NICN1: variants seen among roughly 807,000 people sequenced by gnomAD.
NICN1 encodes nicolin 1, tubulin polyglutamylase complex subunit.
A neutral mutation model predicts 26.3 loss-of-function variants in NICN1; 18 were observed. The observed-to-expected ratio is 0.68, with a 90% confidence interval of 0.47 to 1.01. NICN1 has a LOEUF of 1.01. Among genes scored for constraint, NICN1 ranks in the 50% least tolerant of loss-of-function variants. The pLI is 0.00. For missense variants in NICN1, 239 were observed against 278.3 expected (o/e 0.86, Z 1.00); for synonymous variants, 109 against 111.0 (o/e 0.98, Z 0.11).
chr3:49,426,545 T>C, intron 1 of NICN1, 117 bp from the exon 2 acceptor site: 1 of 753,706 alleles, frequency 1.3e-6, no homozygotes, highest in South Asian at 1.9e-5. Flanking sequence ...TTTTTTTTTT[T>C]GAGAGGAAAT....
Position 49,429,179 on chromosome 3 carries a change from C to A in NICN1, c.61G>T (p.Val21Leu). The change falls in exon 1 of 6, where the codon GTG becomes TTG. Residue 21 changes from valine (V) to leucine (L), a missense_variant. Transcript: ENST00000273598. Reference protein sequence around the residue: ...KGSVALQVGDVRTSQGRPGVL... With the variant: ...KGSVALQVGDLRTSQGRPGVL... ...CCAGGCCGGCCTTGGGAGGTCCGCA[C>A]GTCGCCCACCTGGAGGGCTACGGAG... is the stretch of plus-strand genomic sequence containing the variant. 6.2e-7 allele frequency: 1 copy of A among 1,611,426 alleles called. No homozygotes were observed. Among genetic ancestry groups the A allele is most frequent in the Non-Finnish European group, 8.5e-7 (1 of 1,178,950 alleles).
At chr3:49,425,202 T>C (rs1265382805) in intron 4 of NICN1, 149 bp from the exon 5 acceptor site, 4 of 816,686 alleles carry the variant, frequency 4.9e-6, no homozygotes, top group Non-Finnish European at 8.2e-6. Flanking sequence ...GGGCCTGATG[T>C]AGCCCCACAA....
chr3:49,426,214 C>T (rs767433131), intron 2 of NICN1, 38 bp downstream of exon 2: 3 of 1,603,538 alleles, frequency 1.9e-6, no homozygotes, highest in South Asian at 1.1e-5. Context: ...GGTAAGTCCT[C>T]ATCTGGGCTG....
chr3:49,427,981 T>C (rs1042910104), intron 1 of NICN1, among the ~76,000 whole-genome samples: 1 of 152,042 alleles, frequency 6.6e-6, no homozygotes, highest in Non-Finnish European at 1.5e-5. Context: ...GCACGGTGGC[T>C]CATGCCGTGG....
Position 49,425,068 on chromosome 3 carries a change from G to A in NICN1, c.496-15C>T. Reference sequence around the variant, plus strand: ...TCTGGGAGACCCTGCTCCAGAAGGAGGGGTCAGTGGCCATGGGTCTCTCCC... The same window carrying A: ...TCTGGGAGACCCTGCTCCAGAAGGAAGGGTCAGTGGCCATGGGTCTCTCCC... On this transcript the variant is annotated splice_polypyrimidine_tract_variant and intron_variant, in intron 4 of 5. Coordinates refer to ENST00000273598, the MANE Select transcript of NICN1 (RefSeq NM_032316.3). 1 of 1,603,970 alleles carries A rather than the reference G, an allele frequency of 6.2e-7. No individual in the cohort carries two copies.
intron 1 of NICN1, 80 bp from the exon 2 acceptor site, chr3:49,426,508 T>A: frequency 1.3e-5 from 13 of 975,464 alleles, no homozygotes; most frequent in Non-Finnish European, 2.0e-5. Flanking sequence ...AGGTGCCACC[T>A]CTTCCTTCTC....
chr3:49,429,205 C>T lies in NICN1; in HGVS notation c.35G>A (p.Gly12Asp), dbSNP rs748076037. The T allele has an allele frequency of 6.2e-7, 1 of 1,609,916 alleles. No individual in the cohort carries two copies. The highest frequency in any genetic ancestry group is 1.1e-5 in the South Asian group (1 of 90,778). The change falls in exon 1 of 6, where the codon GGC becomes GAC. Residue 12 changes from glycine to aspartate, a missense_variant. Physicochemically the swap from Gly to Asp is moderately conservative, Grantham distance 94. Coordinates refer to ENST00000273598, the MANE Select transcript of NICN1 (RefSeq NM_032316.3). ...GTCGCCCACCTGGAGGGCTACGGAG[C>T]CTTTCACATGGCAAGGCACCAAAAC... is the stretch of plus-strand genomic sequence containing the variant. ...SRVLVPCHVK[G>D]SVALQVGDVR...
In NICN1 at chr3:49,423,853, T is replaced by TG. The variant is rs1553639129; in HGVS notation, c.*979_*980insC. On this transcript the variant is annotated 3_prime_UTR_variant, in exon 6 of 6. Transcript: ENST00000273598. Reference sequence around the variant, plus strand: ...GGCAGAAGGGTCCCAGTTCTTTTTTTTTTGTTTGTTTGTTTAAGATGGAGT... The same window carrying TG: ...GGCAGAAGGGTCCCAGTTCTTTTTTTGTTTGTTTGTTTGTTTAAGATGGAGT... The TG allele has an allele frequency of 5.3e-5, 8 of 152,026 alleles. No individual in the cohort carries two copies. Among genetic ancestry groups the TG allele is most frequent in the African/African-American group, 1.7e-4 (7 of 41,378 alleles). 9.4% of individuals were successfully genotyped at this position (152,026 alleles called of 1,614,324 possible).
intron 3 of NICN1, 47 bp from the exon 4 acceptor site, chr3:49,425,485 T>C: frequency 6.7e-7 from 1 of 1,497,090 alleles, no homozygotes; most frequent in Non-Finnish European, 9.1e-7. Flanking sequence ...AGTGGACAGC[T>C]CTGGGACCAG....
chr3:49,424,558 C>G lies in NICN1; in HGVS notation c.*275G>C, dbSNP rs2049155126. On this transcript the variant is annotated 3_prime_UTR_variant, in exon 6 of 6. Transcript: ENST00000273598. ...GTTGCCAGAAGGGGCAGAGGGCACT[C>G]AGGGATTCTCAGTAAGTACAACTGA... 1.7e-6 allele frequency: 1 copy of G among 579,212 alleles called. No homozygotes were observed. The highest frequency in any genetic ancestry group is 3.1e-6 in the Non-Finnish European group (1 of 324,660). 35.9% of individuals were successfully genotyped at this position (579,212 alleles called of 1,614,324 possible).
Position 49,424,674 on chromosome 3 carries a change from G to T in NICN1, c.*159C>A. On this transcript the variant is annotated 3_prime_UTR_variant, in exon 6 of 6. Transcript: ENST00000273598. ...CCAGGAGCTCATGCTGAAGTAACAC[G>T]GTAAGCCCCTGAGAATCCTGAATCT... 1 of 681,922 alleles carries T rather than the reference G, an allele frequency of 1.5e-6. No individual in the cohort carries two copies. 42.2% of individuals were successfully genotyped at this position (681,922 alleles called of 1,614,324 possible). A position where few individuals can be genotyped will look rare whatever the true frequency, so the allele number is the denominator to read the frequency against.
rs141772476 is a variant in NICN1 at position 49,429,132 on chromosome 3, G to A, written c.108C>T (p.Thr36=). The change falls in exon 1 of 6, where the codon ACC becomes ACT. Residue 36 remains threonine, a synonymous_variant. Coordinates refer to ENST00000273598, the MANE Select transcript of NICN1 (RefSeq NM_032316.3). ...GRPGVLVIDV[T]FPSVAPFELQ... ...CCTCGAAGGGAGCGACGCTGGGGAA[G>A]GTGACATCGATGACCAGCACGCCAG... The A allele has an allele frequency of 3.9e-5, 63 of 1,610,386 alleles. No homozygotes were observed. The highest frequency in any genetic ancestry group is 5.2e-5 in the Non-Finnish European group (61 of 1,178,472).
In NICN1 at chr3:49,425,870, G is replaced by A; in HGVS notation, c.423+13C>T. ...GGGGAAAGGGCCAGCCAGCAGCTGA[G>A]CTAGTCACTTACCTTTGGTCCCTGC... On this transcript the variant is annotated intron_variant, in intron 3 of 5. Coordinates refer to ENST00000273598, the MANE Select transcript of NICN1 (RefSeq NM_032316.3). 1 of 1,440,590 alleles carries A rather than the reference G, an allele frequency of 6.9e-7. No individual in the cohort carries two copies. Among genetic ancestry groups the A allele is most frequent in the African/African-American group, 1.4e-5 (1 of 71,604 alleles). 89.2% of individuals were successfully genotyped at this position (1,440,590 alleles called of 1,614,324 possible).
chr3:49,422,550 G>C lies in NICN1; in HGVS notation c.*2283C>G, dbSNP rs192377809. On this transcript the variant is annotated 3_prime_UTR_variant, in exon 6 of 6. Transcript: ENST00000273598. ...CCTCTGCTCGGACAGGTCTCTCTCCGGAGCAAAGGATCTGAAGGGGGCGTG... is the reference window on the plus strand; with the variant it reads ...CCTCTGCTCGGACAGGTCTCTCTCCCGAGCAAAGGATCTGAAGGGGGCGTG... 4.5e-4 allele frequency: 587 copies of C among 1,315,634 alleles called. 11 individuals are homozygous for C. In the East Asian group the frequency reaches 0.014, roughly 32 times the overall value. The allele number at this position is 1,315,634 out of a possible 1,614,324, so 81.5% of individuals were successfully genotyped here.
At chr3:49,425,180 A>T in intron 4 of NICN1, 127 bp from the exon 5 acceptor site, 2 of 854,728 alleles carry the variant, frequency 2.3e-6, no homozygotes, top group South Asian at 1.5e-5. Context: ...TGGCTTATGA[A>T]ACATGAGGTT....
chr3:49,426,441 C>A lies in NICN1; in HGVS notation c.133-13G>T. On this transcript the variant is annotated splice_polypyrimidine_tract_variant and intron_variant, in intron 1 of 5. Transcript: ENST00000273598. ...TGATTTCCTGCAACTAGAACACATA[C>A]AACCCATTACAACAAGTCAGACCCA... The A allele has an allele frequency of 1.2e-6, 2 of 1,611,294 alleles. No homozygotes were observed. The highest frequency in any genetic ancestry group is 1.7e-6 in the Non-Finnish European group (2 of 1,177,946).
At chr3:49,426,872 A>G (rs2049174383) in intron 1 of NICN1, among the ~76,000 whole-genome samples, 1 of 152,148 alleles carries the variant, frequency 6.6e-6, no homozygotes, top group South Asian at 2.1e-4. Context: ...AAAGGTGCTC[A>G]CAGTCTAAAT....
At chr3:49,426,652 C>A (rs1015375020) in intron 1 of NICN1, among the ~76,000 whole-genome samples, 2 of 152,008 alleles carry the variant, frequency 1.3e-5, no homozygotes, top group Admixed American at 6.6e-5. Context: ...CTCAGCCTCC[C>A]TAGTAGCCGG....
chr3:49,426,063 T>C, intron 2 of NICN1, 67 bp from the exon 3 acceptor site: 1 of 1,189,900 alleles, frequency 8.4e-7, no homozygotes, highest in Non-Finnish European at 1.2e-6. Flanking sequence ...CAACCAGCAA[T>C]GAGCCAGAAT....
Sources: allele counts gnomAD v4.1 joint callset (sites outside exome capture counted in the v4.1 genomes callset), GRCh38; gene constraint gnomAD v4.1.1; transcripts MANE v1.5; gene names NCBI Gene and HGNC (gene_info 2026-07-23, HGNC 2026-07-21).